The following CHM variants were observed in gnomAD, a reference collection of about 807,000 sequenced individuals.
CHM encodes rab proteins geranylgeranyltransferase component A 1.
In CHM, 10 loss-of-function variants were observed where a neutral mutation model predicts 49.0. That is an observed-to-expected ratio of 0.20 (90% CI 0.13 to 0.35). The LOEUF is 0.35. Among genes scored for constraint, CHM ranks in the 10% least tolerant of loss-of-function variants. The pLI is 1.00. For synonymous variants in CHM, 184 were observed against 167.5 expected, an observed-to-expected ratio of 1.10 and a Z score of -0.76; for missense variants, 455 against 478.4, an observed-to-expected ratio of 0.95 and a Z score of 0.46.
intron 12 of CHM, among the ~76,000 whole-genome samples, chrX:85,885,029 C>A (rs1169395193): frequency 9.1e-6 from 1 of 110,477 alleles, no homozygotes; most frequent in Admixed American, 9.7e-5. Flanking sequence ...CCTGATTAGT[C>A]AACACTAAAA....
intron 4 of CHM, chrX:85,971,552 C>T (rs1268332842): frequency 7.0e-6 from 2 of 286,129 alleles, no homozygotes; most frequent in South Asian, 3.2e-5. Context: ...CAGATCTTCG[C>T]GGTGAGTGTT....
rs1934698255 is a variant in CHM, at chrX:86,047,544, A to G, written c.-12T>C. 8.4e-7 allele frequency: 1 copy of G among 1,196,954 alleles called. No individual in the cohort carries two copies. Among genetic ancestry groups the G allele is most frequent in the Middle Eastern group, 2.3e-4 (1 of 4,308 alleles). ...AGAGTATCCGCCATCTTGACGGGAA[A>G]CGTGTCATGTGACTATTACTTGTGG... is the stretch of plus-strand genomic sequence containing the variant. On this transcript the variant is annotated 5_prime_UTR_variant, in exon 1 of 15. Coordinates refer to ENST00000357749, the MANE Select transcript of CHM (RefSeq NM_000390.4).
chrX:85,905,615 A>G (rs1926544425), intron 9 of CHM, among the ~76,000 whole-genome samples: 1 of 111,722 alleles, frequency 9.0e-6, no homozygotes, highest in South Asian at 3.8e-4. Context: ...CTTTGGAGGA[A>G]GTGACACATT....
intron 5 of CHM, among the ~76,000 whole-genome samples, chrX:85,963,255 T>C (rs17252397): frequency 0.17 from 19,050 of 111,405 alleles, 1,552 homozygotes; most frequent in Middle Eastern, 0.25. Flanking sequence ...TAAAAATTCA[T>C]TGGTTTATTC....
At chrX:86,030,914 G>A (rs1452162274) in intron 1 of CHM, among the ~76,000 whole-genome samples, 1 of 111,039 alleles carries the variant, frequency 9.0e-6, no homozygotes, top group African/African-American at 3.3e-5. Flanking sequence ...GTTGCAGCAT[G>A]GATCAGTACT....
chrX:85,869,717 T>C (rs1256771309), intron 14 of CHM, among the ~76,000 whole-genome samples: 3 of 112,254 alleles, frequency 2.7e-5, no homozygotes, highest in African/African-American at 9.7e-5. Context: ...CTTGGTCTGC[T>C]GCATTTTGTT....
At chrX:85,976,945 TTAAA>T (rs1169517149) in intron 4 of CHM, among the ~76,000 whole-genome samples, 8 of 109,364 alleles carry the variant, frequency 7.3e-5, no homozygotes, top group African/African-American at 1.0e-4. Flanking sequence ...GAAATATGTA[TTAAA>T]TAAATAAGGC....
chrX:85,995,975 A>T (rs1800634321), intron 2 of CHM, among the ~76,000 whole-genome samples: 1 of 112,008 alleles, frequency 8.9e-6, no homozygotes, highest in African/African-American at 3.2e-5. Flanking sequence ...TTATCTAAAG[A>T]GACAATTTCT....
chrX:86,001,916 G>C (rs1043267593), intron 2 of CHM, among the ~76,000 whole-genome samples: 3 of 110,820 alleles, frequency 2.7e-5, no homozygotes, highest in Non-Finnish European at 5.7e-5. Context: ...ATGCAATTAA[G>C]CCAGCCCCAT....
At chrX:85,866,824 C>T (rs753596977) in intron 14 of CHM, among the ~76,000 whole-genome samples, 38 of 113,104 alleles carry the variant, frequency 3.4e-4, no homozygotes, top group Non-Finnish European at 6.2e-4. Flanking sequence ...TTGCATGGGG[C>T]CTATGGCCCC....
intron 8 of CHM, among the ~76,000 whole-genome samples, chrX:85,937,813 C>T (rs781664230): frequency 9.9e-6 from 1 of 101,302 alleles, no homozygotes; most frequent in African/African-American, 3.7e-5. Context: ...CACTGCACTG[C>T]AGCCTGGGAA....
intron 4 of CHM, among the ~76,000 whole-genome samples, chrX:85,964,335 C>T (rs1262911219): frequency 9.0e-6 from 1 of 110,618 alleles, no homozygotes; most frequent in African/African-American, 3.3e-5. Flanking sequence ...GGTTCAAACC[C>T]TGACCATATG....
rs751564889 is a variant in CHM at position 86,028,615 on chromosome X, AATG to A, written c.50-1061_50-1059del. ...CCAAAAATTAAAAATTGCCAAAGATAATGATGTTTTATGATTTTAAAAATTCAA... is the reference window on the plus strand; with the variant it reads ...CCAAAAATTAAAAATTGCCAAAGATAATGTTTTATGATTTTAAAAATTCAA... On this transcript the variant is annotated intron_variant, in intron 1 of 14. Transcript: ENST00000357749. Among the ~76,000 whole-genome samples, 21 of 112,159 alleles carry A rather than the reference AATG, an allele frequency of 1.9e-4. 1 individual carries two copies. The East Asian group carries it at 2.0e-3, about 10-fold the overall frequency.
At chrX:86,036,876 T>C (rs1038539300) in intron 1 of CHM, among the ~76,000 whole-genome samples, 24 of 111,073 alleles carry the variant, frequency 2.2e-4, no homozygotes, top group Admixed American at 1.8e-3. Flanking sequence ...GGCCATGAGT[T>C]GATAACTGTT....
chrX:85,979,801 A>C (rs1931494228), intron 3 of CHM, among the ~76,000 whole-genome samples: 1 of 112,220 alleles, frequency 8.9e-6, no homozygotes, highest in Non-Finnish European at 1.9e-5. Context: ...AAAGGCAATA[A>C]ATATTTTTAA....
intron 4 of CHM, among the ~76,000 whole-genome samples, chrX:85,967,726 A>T (rs1392127430): frequency 8.9e-6 from 1 of 111,960 alleles, no homozygotes. Context: ...ATAATGTAAC[A>T]ATATTTTTTA....
At chrX:85,998,902 T>C (rs1932568910) in intron 2 of CHM, among the ~76,000 whole-genome samples, 2 of 111,796 alleles carry the variant, frequency 1.8e-5, no homozygotes, top group African/African-American at 6.5e-5. Context: ...TACATGTATG[T>C]ATGCATATAT....
In CHM at chrX:85,895,078, C is replaced by T. The variant is rs76947638; in HGVS notation, c.1414-794G>A. Among the ~76,000 whole-genome samples, 613 of 109,049 alleles carry T rather than the reference C, an allele frequency of 5.6e-3. 2 individuals are homozygous for T. Among genetic ancestry groups the T allele is most frequent in the East Asian group, 0.052 (182 of 3,489 alleles). 94.7% of individuals were successfully genotyped at this position (109,049 alleles called of 115,157 possible). On this transcript the variant is annotated intron_variant, in intron 11 of 14. Coordinates refer to ENST00000357749, the MANE Select transcript of CHM (RefSeq NM_000390.4). Reference sequence around the variant, plus strand: ...TATGCTATCCTAGGCATTAATGATACGCTAGATGGCTTTATATTTTAAAAC... The same window carrying T: ...TATGCTATCCTAGGCATTAATGATATGCTAGATGGCTTTATATTTTAAAAC...
intron 4 of CHM, 108 bp from the exon 5 acceptor site, chrX:85,964,160 C>A: frequency 1.6e-6 from 1 of 644,765 alleles, no homozygotes; most frequent in Admixed American, 3.7e-5. Context: ...ATTAAACATT[C>A]ATCTGTTAAT....
Sources: gnomAD v4.1 joint callset for allele counts (sites outside exome capture counted in the v4.1 genomes callset) on GRCh38, gnomAD v4.1.1 for gene constraint, MANE v1.5 for transcripts, NCBI Gene and HGNC (gene_info 2026-07-23, HGNC 2026-07-21) for gene names.